CSF1R: variants seen among roughly 807,000 people sequenced by gnomAD.
The protein encoded by CSF1R is macrophage colony-stimulating factor 1 receptor.
Under a neutral mutation model 110.0 loss-of-function variants are expected in CSF1R, and 40 were observed. That is an observed-to-expected ratio of 0.36 (90% CI 0.28 to 0.47). The LOEUF (loss-of-function observed/expected upper bound fraction) is 0.47, where lower values mean the gene tolerates loss of function less well. Ranked by LOEUF, CSF1R falls within the 20% of genes least tolerant of loss-of-function variation. The pLI is 0.99. For missense variants in CSF1R, 1,052 were observed against 1,253.0 expected (o/e 0.84, Z 2.42); for synonymous variants, 523 against 503.4 (o/e 1.04, Z -0.52).
In CSF1R at chr5:150,059,774, G is replaced by T; in HGVS notation, c.2058C>A (p.Ser686Arg). ...RRKAEAMLGP[S>R]LSPGQDPEGG... ...CCTCGGGGTCCTGGCCGGGGCTCAG[G>T]CTGGGTCCCAGCATGGCCTCAGCCT... Residue 686 changes from serine (S) to arginine (R), a missense_variant, in exon 14 of 21, where the codon AGC becomes AGA. By Grantham distance (110) the Ser-to-Arg change is moderately radical. Transcript: ENST00000675795. The T allele has an allele frequency of 6.2e-7, 1 of 1,614,100 alleles. No homozygotes were observed. The highest frequency in any genetic ancestry group is 8.5e-7 in the Non-Finnish European group (1 of 1,180,026).
chr5:150,066,672 G>C (rs1299190381), intron 10 of CSF1R, among the ~76,000 whole-genome samples: 1 of 152,226 alleles, frequency 6.6e-6, no homozygotes, highest in Non-Finnish European at 1.5e-5. Flanking sequence ...TGCCCCTGGG[G>C]CTCCCCCAAC....
upstream of CSF1R, among the ~76,000 whole-genome samples, chr5:150,089,768 A>G (rs146056820): frequency 0.012 from 1,758 of 152,340 alleles, 12 homozygotes; most frequent in Non-Finnish European, 0.018. Context: ...ACACTTTTCA[A>G]TTTCAAAACC....
chr5:150,073,317 T>C lies in CSF1R; in HGVS notation c.1066A>G (p.Thr356Ala). ...AAGTGGTACCTGTATGTGTCCTTGG[T>C]GGTAGCATTAGCAAGCTTGGGCTCA... ...QPEPKLANAT[T>A]KDTYRHTFTL... is the part of the protein sequence containing the mutation. Residue 356 changes from threonine to alanine, a missense_variant, in exon 6 of 21, where the codon ACC becomes GCC. Physicochemically the swap from Thr to Ala is moderately conservative, Grantham distance 58. Coordinates refer to ENST00000675795, the MANE Select transcript of CSF1R (RefSeq NM_001288705.3). 6.2e-7 allele frequency: 1 copy of C among 1,613,686 alleles called. No individual in the cohort carries two copies. The highest frequency in any genetic ancestry group is 8.5e-7 in the Non-Finnish European group (1 of 1,179,854).
chr5:150,097,285 G>GA (rs1491411559), intron 1 of CSF1R, among the ~76,000 whole-genome samples: 2 of 102,184 alleles, frequency 2.0e-5, no homozygotes, highest in Non-Finnish European at 4.2e-5. Flanking sequence ...AGGAAGGAAG[G>GA]AGAAGGAGAA....
chr5:150,057,187 C>T, intron 16 of CSF1R, 100 bp downstream of exon 16: 1 of 966,774 alleles, frequency 1.0e-6, no homozygotes, highest in Non-Finnish European at 1.6e-6. Context: ...CTCCCCTACC[C>T]CCTCACAGGC....
intron 1 of CSF1R, among the ~76,000 whole-genome samples, chr5:150,098,979 C>T (rs1361840072): frequency 1.3e-5 from 2 of 150,954 alleles, no homozygotes; most frequent in African/African-American, 4.9e-5. Flanking sequence ...CTGCAACCTC[C>T]ACCTCCCAGG....
chr5:150,104,037 T>C (rs1229262324), intron 1 of CSF1R, among the ~76,000 whole-genome samples: 1 of 151,868 alleles, frequency 6.6e-6, no homozygotes, highest in East Asian at 1.9e-4. Context: ...GGGAGGGGGG[T>C]ACCTGCACAG....
At chr5:150,081,564 C>T (rs1232154141) in intron 1 of CSF1R, among the ~76,000 whole-genome samples, 1 of 152,164 alleles carries the variant, frequency 6.6e-6, no homozygotes, top group Non-Finnish European at 1.5e-5. Flanking sequence ...ATCTGGTCTG[C>T]AGCACAGTGG....
At chr5:150,092,135 C>A (rs530014079) in intron 1 of CSF1R, among the ~76,000 whole-genome samples, 7 of 152,284 alleles carry the variant, frequency 4.6e-5, no homozygotes, top group Middle Eastern at 3.4e-3. Flanking sequence ...CATTGCAGTG[C>A]AAAAGCAGCC....
chr5:150,070,318 G>A lies in CSF1R; in HGVS notation c.1199-16C>T, dbSNP rs761482278. 1 of 1,612,436 alleles carries A rather than the reference G, an allele frequency of 6.2e-7. No individual in the cohort carries two copies. The highest frequency in any genetic ancestry group is 8.5e-7 in the Non-Finnish European group (1 of 1,179,032). On this transcript the variant is annotated splice_polypyrimidine_tract_variant and intron_variant, in intron 7 of 20. Coordinates refer to ENST00000675795, the MANE Select transcript of CSF1R (RefSeq NM_001288705.3). Reference sequence around the variant, plus strand: ...TCTGGGGGGTCTGAGGAAGAAAGGAGGAGGCCCCAAGTCACACTTTCCCCG... The same window carrying A: ...TCTGGGGGGTCTGAGGAAGAAAGGAAGAGGCCCCAAGTCACACTTTCCCCG...
intron 9 of CSF1R, among the ~76,000 whole-genome samples, chr5:150,069,439 C>T (rs906868206): frequency 4.6e-5 from 7 of 152,150 alleles, no homozygotes; most frequent in African/African-American, 1.4e-4. Context: ...TGGAGAAGGC[C>T]GTCCTTAGCT....
Position 150,057,558 on chromosome 5 carries a change from A to G in CSF1R, c.2167T>C (p.Tyr723His), listed in dbSNP as rs142978503. ...GTGGAGACAGGCCTCATCTCCACATAGGTGTCCACACCCTGGCTGGAGAAG... is the reference window on the plus strand; with the variant it reads ...GTGGAGACAGGCCTCATCTCCACATGGGTGTCCACACCCTGGCTGGAGAAG... Reference protein sequence around the residue: ...SGFSSQGVDTYVEMRPVSTSS... With the variant: ...SGFSSQGVDTHVEMRPVSTSS... Residue 723 changes from tyrosine (Y) to histidine (H), a missense_variant, in exon 15 of 21, where the codon TAT (tyrosine) becomes CAT (histidine). Tyr to His is a moderately conservative substitution (Grantham distance 83). This residue lies in a region of CSF1R where 124 missense variants were observed against 117.7 expected (regional missense o/e 1.05). Coordinates refer to ENST00000675795, the MANE Select transcript of CSF1R (RefSeq NM_001288705.3). The G allele has an allele frequency of 6.2e-7, 1 of 1,614,054 alleles. No individual in the cohort carries two copies. Among genetic ancestry groups the G allele is most frequent in the African/African-American group, 1.3e-5 (1 of 74,918 alleles).
In CSF1R at chr5:150,060,971, G is replaced by A. The variant is rs2113790341; in HGVS notation, c.1860C>T (p.Ser620=). 1 of 1,592,958 alleles carries A rather than the reference G, an allele frequency of 6.3e-7. No homozygotes were observed. Among genetic ancestry groups the A allele is most frequent in the Admixed American group, 1.8e-5 (1 of 57,100 alleles). ...CCTCCTTCTCATCAGCATGGGCCGT[G>A]GCTGGGAGGAAGAACCACAGTCCCA... The part of the protein sequence containing the change: ...VLKVAVKMLK[S]TAHADEKEAL... Residue 620 remains serine (S), a splice_region_variant and synonymous_variant, in exon 13 of 21, where the codon TCC becomes TCT. Transcript: ENST00000675795.
intron 1 of CSF1R, 103 bp from the exon 2 acceptor site, chr5:150,081,127 G>A (rs1232432053): frequency 2.2e-6 from 3 of 1,351,354 alleles, no homozygotes; most frequent in South Asian, 1.4e-5. Context: ...ATGGTGCTGT[G>A]CCATCAAGGG....
At chr5:150,055,435 TG>T in intron 18 of CSF1R, 99 bp from the exon 19 acceptor site, 1 of 949,040 alleles carries the variant, frequency 1.1e-6, no homozygotes, top group East Asian at 2.5e-5. Flanking sequence ...GGGTCCCACT[TG>T]ACAACACTGC....
chr5:150,104,090 G>A lies in CSF1R; in HGVS notation c.-181+9171C>T, dbSNP rs1472280651. The stretch of plus-strand genomic sequence containing the variant: ...GGATTCTCATGCTCCCTCTGGCTGA[G>A]GCCACTGCCTTTGAGAGTCCCTGGA... On this transcript the variant is annotated intron_variant, in intron 1 of 21. Coordinates refer to the CSF1R transcript ENST00000286301. Among the ~76,000 whole-genome samples the A allele has an allele frequency of 2.0e-5, 3 of 152,202 alleles. No individual in the cohort carries two copies. The East Asian group carries it at 5.8e-4, about 29-fold the overall frequency.
At chr5:150,065,430 C>T (rs1186786496) in intron 10 of CSF1R, among the ~76,000 whole-genome samples, 2 of 152,252 alleles carry the variant, frequency 1.3e-5, no homozygotes, top group Non-Finnish European at 2.9e-5. Flanking sequence ...TGACTCCTGC[C>T]CTTTTCTCTT....
At chr5:150,098,889 A>ATTTTTTTTTTTTTTTTTTTTTT (rs571440671) in intron 1 of CSF1R, among the ~76,000 whole-genome samples, 1 of 132,998 alleles carries the variant, frequency 7.5e-6, no homozygotes. Context: ...AATACAAACA[A>ATTTTTTTTTTTTTTTTTTTTTT]CTTTTTTTTT....
chr5:150,057,607 G>C lies in CSF1R; in HGVS notation c.2133-15C>G, dbSNP rs1383526971. The C allele has an allele frequency of 6.2e-7, 1 of 1,607,062 alleles. No homozygotes were observed. The highest frequency in any genetic ancestry group is 8.5e-7 in the Non-Finnish European group (1 of 1,173,788). On this transcript the variant is annotated splice_polypyrimidine_tract_variant and intron_variant, in intron 14 of 20. Transcript: ENST00000675795. ...AGCCACTGTCCCTACATAGGAGAGA[G>C]GGTTGGGGGGCAGAGGTCACTCATC...
Sources: allele counts gnomAD v4.1 joint callset (sites outside exome capture counted in the v4.1 genomes callset), GRCh38; gene constraint gnomAD v4.1.1; regional missense constraint gnomAD v4.1.1; transcripts MANE v1.5; gene names NCBI Gene and HGNC (gene_info 2026-07-23, HGNC 2026-07-21).